The following TGFBR3 variants were observed in gnomAD, a reference collection of about 807,000 sequenced individuals.
TGFBR3 encodes transforming growth factor beta receptor 3.
In TGFBR3, 46 loss-of-function variants were observed where a neutral mutation model predicts 87.9. The ratio of observed to expected loss-of-function variants is 0.52; its 90% confidence interval spans 0.41 to 0.67. TGFBR3 has a LOEUF of 0.67. Among genes scored for constraint, TGFBR3 ranks in the 30% least tolerant of loss-of-function variants. The probability of loss-of-function intolerance (pLI) is 0.00; values close to 1 mark genes in which losing one functional copy is unlikely to be tolerated. For missense variants in TGFBR3, 866 were observed against 1,041.9 expected (o/e 0.83, Z 2.32); for synonymous variants, 381 against 391.6 (o/e 0.97, Z 0.32).
chr1:91,880,369 G>A (rs1360349822), intron 1 of TGFBR3, among the ~76,000 whole-genome samples: 1 of 152,188 alleles, frequency 6.6e-6, no homozygotes, highest in East Asian at 1.9e-4. Flanking sequence ...GGGAGGCCAA[G>A]ACGGCGGATC....
intron 2 of TGFBR3, among the ~76,000 whole-genome samples, chr1:91,810,156 T>A (rs1270832907): frequency 1.3e-4 from 20 of 152,234 alleles, no homozygotes; most frequent in Non-Finnish European, 4.4e-5. Context: ...CCTTCCAGGC[T>A]CAAGCCATCC....
At chr1:91,822,041 C>A (rs1460885472) in intron 2 of TGFBR3, among the ~76,000 whole-genome samples, 1 of 152,018 alleles carries the variant, frequency 6.6e-6, no homozygotes, top group African/African-American at 2.4e-5. Flanking sequence ...AATAGTGAAG[C>A]CAGGTGGCTG....
intron 1 of TGFBR3, among the ~76,000 whole-genome samples, chr1:91,900,957 C>A (rs970422024): frequency 6.6e-6 from 1 of 152,170 alleles, no homozygotes; most frequent in African/African-American, 2.4e-5. Flanking sequence ...AACTTCTGGG[C>A]TCGGATGATC....
intron 2 of TGFBR3, among the ~76,000 whole-genome samples, chr1:91,841,901 C>G (rs1677302591): frequency 6.6e-6 from 1 of 151,252 alleles, no homozygotes; most frequent in South Asian, 2.1e-4. Context: ...GAGTTCGAGA[C>G]CAGCCTGGGC....
chr1:91,803,715 T>C (rs1675729398), intron 2 of TGFBR3, among the ~76,000 whole-genome samples: 1 of 152,140 alleles, frequency 6.6e-6, no homozygotes, highest in South Asian at 2.1e-4. Flanking sequence ...CAAGGTTTCC[T>C]CCAGGAACAC....
chr1:91,759,227 T>G (rs1216742800), intron 3 of TGFBR3, among the ~76,000 whole-genome samples: 1 of 151,728 alleles, frequency 6.6e-6, no homozygotes, highest in Non-Finnish European at 1.5e-5. Context: ...GTGAAATGGG[T>G]TCTGCCAAAG....
In TGFBR3 at chr1:91,699,710, C is replaced by T. The variant is rs149790461; in HGVS notation, c.2288-1580G>A. 4.0e-3 allele frequency among the ~76,000 whole-genome samples: 609 copies of T among 152,278 alleles called. 3 individuals carry two copies. Among genetic ancestry groups the T allele is most frequent in the African/African-American group, 0.014 (578 of 41,560 alleles). ...AATGAGCAGCCTGAGACTCTGATATCGTGTGACTAGAGCCCAAGGTCACAG... is the reference window on the plus strand; with the variant it reads ...AATGAGCAGCCTGAGACTCTGATATTGTGTGACTAGAGCCCAAGGTCACAG... On this transcript the variant is annotated intron_variant, in intron 14 of 16. Transcript: ENST00000212355.
chr1:91,905,452 G>T (rs1057121499), intron 1 of TGFBR3, among the ~76,000 whole-genome samples: 4 of 151,904 alleles, frequency 2.6e-5, no homozygotes, highest in Middle Eastern at 3.2e-3. Context: ...GTTTTTTTGA[G>T]GTAAGAGTCT....
intron 5 of TGFBR3, among the ~76,000 whole-genome samples, chr1:91,731,013 C>T (rs1339210315): frequency 2.6e-5 from 4 of 152,250 alleles, no homozygotes; most frequent in African/African-American, 9.6e-5. Context: ...CATCCACGGG[C>T]TTAAATATTT....
Position 91,815,159 on chromosome 1 carries a change from G to A in TGFBR3, c.62-17688C>T, listed in dbSNP as rs180884530. On this transcript the variant is annotated intron_variant, in intron 2 of 16. Transcript: ENST00000212355. ...TCTACTAAAAATACAAAAATTAGCC[G>A]AGCATGGTTGTGGGGGCCTGTAATC... Among the ~76,000 whole-genome samples, 82 of 152,108 alleles carry A rather than the reference G, an allele frequency of 5.4e-4. 1 individual carries two copies. The highest frequency in any genetic ancestry group is 1.8e-3 in the African/African-American group (76 of 41,516).
intron 12 of TGFBR3, among the ~76,000 whole-genome samples, chr1:91,713,292 G>A (rs984120834): frequency 2.6e-5 from 4 of 152,168 alleles, no homozygotes; most frequent in Admixed American, 6.5e-5. Flanking sequence ...TATGGGCTAC[G>A]TCCAAATTTT....
chr1:91,804,860 C>T (rs1675772968), intron 2 of TGFBR3, among the ~76,000 whole-genome samples: 1 of 152,176 alleles, frequency 6.6e-6, no homozygotes, highest in African/African-American at 2.4e-5. Context: ...GCAATCTCTT[C>T]CCTGCAGTCA....
At chr1:91,774,382 C>T (rs1445833246) in intron 3 of TGFBR3, among the ~76,000 whole-genome samples, 1 of 152,114 alleles carries the variant, frequency 6.6e-6, no homozygotes, top group African/African-American at 2.4e-5. Context: ...GTGATCCACC[C>T]ACCTCGGCCT....
intron 4 of TGFBR3, among the ~76,000 whole-genome samples, chr1:91,751,897 A>G (rs1673552780): frequency 6.6e-6 from 1 of 152,180 alleles, no homozygotes; most frequent in Non-Finnish European, 1.5e-5. Flanking sequence ...TTCTGTTCCA[A>G]ATTAAATTGG....
chr1:91,794,034 T>C (rs1168307884), intron 3 of TGFBR3, among the ~76,000 whole-genome samples: 1 of 152,196 alleles, frequency 6.6e-6, no homozygotes, highest in Admixed American at 6.5e-5. Flanking sequence ...GTAAACTTTA[T>C]AGACTAATTA....
chr1:91,818,128 C>G (rs1056590348), intron 2 of TGFBR3, among the ~76,000 whole-genome samples: 13 of 152,044 alleles, frequency 8.6e-5, no homozygotes, highest in Admixed American at 6.5e-4. Context: ...CGTGTCCTCA[C>G]AGCCAAGCAA....
chr1:91,857,467 G>C (rs1174875946), intron 2 of TGFBR3, among the ~76,000 whole-genome samples: 2 of 152,116 alleles, frequency 1.3e-5, no homozygotes, highest in East Asian at 3.8e-4. Flanking sequence ...CAGTCTTCAA[G>C]ACAGAGTTCA....
intron 4 of TGFBR3, among the ~76,000 whole-genome samples, chr1:91,756,019 C>T (rs1359990702): frequency 1.3e-5 from 2 of 152,210 alleles, no homozygotes; most frequent in Non-Finnish European, 1.5e-5. Context: ...CTCAAGATAA[C>T]AGCCCTATGA....
intron 14 of TGFBR3, among the ~76,000 whole-genome samples, chr1:91,701,854 A>G: frequency 6.6e-6 from 1 of 152,212 alleles, no homozygotes; most frequent in South Asian, 2.1e-4. Flanking sequence ...GCCCCATTTA[A>G]GACAGAGTTT....
Sources: gnomAD v4.1 joint callset for allele counts (sites outside exome capture counted in the v4.1 genomes callset) on GRCh38, gnomAD v4.1.1 for gene constraint, MANE v1.5 for transcripts, NCBI Gene and HGNC (gene_info 2026-07-23, HGNC 2026-07-21) for gene names.